DIAPH3: variants seen among roughly 807,000 people sequenced by gnomAD.
DIAPH3 encodes the protein protein diaphanous homolog 3.
Under a neutral mutation model 144.3 loss-of-function variants are expected in DIAPH3, and 117 were observed. That is an observed-to-expected ratio of 0.81 (90% CI 0.70 to 0.95). DIAPH3 has a LOEUF of 0.95. DIAPH3 is among the 40% of genes least tolerant of loss of function. The pLI is 0.00. For synonymous variants in DIAPH3, 519 were observed against 488.9 expected (o/e 1.06, Z -0.81); for missense variants, 1,421 against 1,412.7 (o/e 1.01, Z -0.09).
intron 25 of DIAPH3, among the ~76,000 whole-genome samples, chr13:59,786,975 G>A (rs1454191011): frequency 1.3e-5 from 2 of 152,082 alleles, no homozygotes; most frequent in Non-Finnish European, 2.9e-5. Flanking sequence ...GGTGGTGCAT[G>A]CCTGTAGTCC....
At chr13:59,730,982 A>G (rs149104223) in intron 27 of DIAPH3, among the ~76,000 whole-genome samples, 1 of 152,122 alleles carries the variant, frequency 6.6e-6, no homozygotes, top group Middle Eastern at 3.4e-3. Context: ...GCCATTCCCC[A>G]TTATTCCCTT....
chr13:59,666,453 T>C lies in DIAPH3; in HGVS notation c.*131A>G. On this transcript the variant is annotated 3_prime_UTR_variant, in exon 28 of 28. Coordinates refer to ENST00000400324, the MANE Select transcript of DIAPH3 (RefSeq NM_001042517.2). ...AGCATTGCAATCATATATTTAGCTTTATTTTTCTAATATATATCATAATTT... is the reference window on the plus strand; with the variant it reads ...AGCATTGCAATCATATATTTAGCTTCATTTTTCTAATATATATCATAATTT... 4 of 1,108,626 alleles carry C rather than the reference T, an allele frequency of 3.6e-6. No homozygotes were observed. Among genetic ancestry groups the C allele is most frequent in the Non-Finnish European group, 5.0e-6 (4 of 793,200 alleles). 68.7% of individuals were successfully genotyped at this position (1,108,626 alleles called of 1,614,324 possible). A position where few individuals can be genotyped will look rare whatever the true frequency, so the allele number is the denominator to read the frequency against.
chr13:59,871,627 AT>A (rs949229618), intron 21 of DIAPH3, among the ~76,000 whole-genome samples: 1 of 152,242 alleles, frequency 6.6e-6, no homozygotes, highest in Admixed American at 6.5e-5. Context: ...GATGCATAGA[AT>A]TAAAAATTAT....
intron 27 of DIAPH3, among the ~76,000 whole-genome samples, chr13:59,751,026 G>A (rs934702986): frequency 1.4e-4 from 21 of 152,260 alleles, no homozygotes; most frequent in African/African-American, 5.1e-4. Context: ...AGAGCAGCCG[G>A]TTGCCTTCAG....
intron 27 of DIAPH3, among the ~76,000 whole-genome samples, chr13:59,697,682 T>A (rs1199556136): frequency 3.3e-5 from 5 of 152,222 alleles, no homozygotes. Context: ...GAATCATTCT[T>A]CCCTGTGAGG....
At position 60,135,350 on chromosome 13, in the gene DIAPH3, T is replaced by C. The variant is rs185980101; in HGVS notation, c.181-2361A>G. On this transcript the variant is annotated intron_variant, in intron 1 of 27. Transcript: ENST00000400324. Reference sequence around the variant, plus strand: ...CTAAAGGCTTGATCTGTTTTCAAACTATATAGGTATGTACATAAGCCCAGT... The same window carrying C: ...CTAAAGGCTTGATCTGTTTTCAAACCATATAGGTATGTACATAAGCCCAGT... 2.2e-3 allele frequency among the ~76,000 whole-genome samples: 340 copies of C among 152,170 alleles called. 3 individuals carry two copies. The highest frequency in any genetic ancestry group is 7.9e-3 in the African/African-American group (327 of 41,534).
chr13:60,160,149 G>A lies in DIAPH3; in HGVS notation c.180+3438C>T, dbSNP rs1018272118. On this transcript the variant is annotated intron_variant, in intron 1 of 27. Coordinates refer to ENST00000400324, the MANE Select transcript of DIAPH3 (RefSeq NM_001042517.2). ...TGAGGCAGGAGAATGGCATGAACCCGAGAGGCGGAGCTTGCAGTGAGCCGA... is the reference window on the plus strand; with the variant it reads ...TGAGGCAGGAGAATGGCATGAACCCAAGAGGCGGAGCTTGCAGTGAGCCGA... Among the ~76,000 whole-genome samples, 13 of 152,142 alleles carry A rather than the reference G, an allele frequency of 8.5e-5. No individual in the cohort carries two copies. The East Asian group carries it at 9.7e-4, about 11-fold the overall frequency.
At chr13:59,786,467 T>A (rs1324815419) in intron 25 of DIAPH3, among the ~76,000 whole-genome samples, 2 of 152,176 alleles carry the variant, frequency 1.3e-5, no homozygotes, top group Non-Finnish European at 2.9e-5. Flanking sequence ...AATTCTTAAT[T>A]TTCACATTTC....
At chr13:59,799,171 T>C (rs1329834033) in intron 25 of DIAPH3, among the ~76,000 whole-genome samples, 2 of 151,970 alleles carry the variant, frequency 1.3e-5, no homozygotes, top group Admixed American at 6.5e-5. Flanking sequence ...TGATCACCTT[T>C]ACCACAAGCA....
intron 17 of DIAPH3, among the ~76,000 whole-genome samples, chr13:59,969,721 T>C (rs1009759949): frequency 6.6e-6 from 1 of 152,196 alleles, no homozygotes; most frequent in African/African-American, 2.4e-5. Context: ...TAATATCATA[T>C]AGAAAATTTA....
Position 59,774,785 on chromosome 13 carries a change from C to T in DIAPH3, c.3202G>A (p.Ala1068Thr). 1 of 1,614,172 alleles carries T rather than the reference C, an allele frequency of 6.2e-7. No individual in the cohort carries two copies. Among genetic ancestry groups the T allele is most frequent in the Non-Finnish European group, 8.5e-7 (1 of 1,180,034 alleles). ...ETGVMDNLLE[A>T]LQSGAAFRDR... ...CGGAAGGCAGCCCCGGACTGCAAGG[C>T]CTCCAGCAGATTATCCATCACTCCT... Residue 1068 changes from alanine (A) to threonine (T), a missense_variant, in exon 26 of 28, where the codon GCC (alanine) becomes ACC (threonine). Ala to Thr is a moderately conservative substitution (Grantham distance 58). Transcript: ENST00000400324.
At chr13:60,068,247 T>G (rs544946183) in intron 4 of DIAPH3, among the ~76,000 whole-genome samples, 1 of 152,300 alleles carries the variant, frequency 6.6e-6, no homozygotes, top group East Asian at 1.9e-4. Flanking sequence ...CTTGGGTCAA[T>G]GAGAATGCAT....
At chr13:60,131,625 G>A (rs1350097444) in intron 2 of DIAPH3, among the ~76,000 whole-genome samples, 1 of 152,012 alleles carries the variant, frequency 6.6e-6, no homozygotes, top group Non-Finnish European at 1.5e-5. Context: ...TGGTTGCCTA[G>A]AACTGAGGGA....
In DIAPH3 at chr13:59,924,842, C is replaced by T; in HGVS notation, c.2103G>A (p.Glu701=). ...KERREEEDIE[E]KKSIKKKIKE... ...TAATTTTTTTCTTAATCGATTTCTTCTCTTCAATATCTTCCTCTTCTCTTC... is the reference window on the plus strand; with the variant it reads ...TAATTTTTTTCTTAATCGATTTCTTTTCTTCAATATCTTCCTCTTCTCTTC... Residue 701 remains glutamate, a synonymous_variant, in exon 18 of 28, where the codon GAG becomes GAA. Coordinates refer to ENST00000400324, the MANE Select transcript of DIAPH3 (RefSeq NM_001042517.2). 1 of 1,601,074 alleles carries T rather than the reference C, an allele frequency of 6.2e-7. No individual in the cohort carries two copies.
intron 17 of DIAPH3, among the ~76,000 whole-genome samples, chr13:59,956,501 C>T (rs2049410994): frequency 6.6e-6 from 1 of 152,230 alleles, no homozygotes; most frequent in Non-Finnish European, 1.5e-5. Flanking sequence ...TGGGAACCTC[C>T]ACCTAGATTT....
Position 59,674,186 on chromosome 13 carries a change from A to C in DIAPH3, c.3320-7340T>G, listed in dbSNP as rs1371346301. Among the ~76,000 whole-genome samples, 5 of 152,212 alleles carry C rather than the reference A, an allele frequency of 3.3e-5. No homozygotes were observed. The South Asian group carries it at 1.0e-3, about 32-fold the overall frequency. On this transcript the variant is annotated intron_variant, in intron 27 of 27. Coordinates refer to ENST00000400324, the MANE Select transcript of DIAPH3 (RefSeq NM_001042517.2). ...TTGTGACTTTGAACATTATTATGGC[A>C]TAATATCGATATGATCATATTACCT...
chr13:60,058,775 C>T (rs1433387434), intron 4 of DIAPH3, among the ~76,000 whole-genome samples: 1 of 151,918 alleles, frequency 6.6e-6, no homozygotes, highest in African/African-American at 2.4e-5. Flanking sequence ...ATCTGGAGGC[C>T]ATGATTCTAT....
chr13:60,135,315 A>C (rs1324595076), intron 1 of DIAPH3, among the ~76,000 whole-genome samples: 1 of 150,978 alleles, frequency 6.6e-6, no homozygotes, highest in Non-Finnish European at 1.5e-5. Context: ...TTTTTAAAAG[A>C]TTTAATTTCC....
intron 27 of DIAPH3, among the ~76,000 whole-genome samples, chr13:59,690,037 CAT>C (rs2033421732): frequency 6.6e-6 from 1 of 152,008 alleles, no homozygotes; most frequent in African/African-American, 2.4e-5. Context: ...GATATTAACT[CAT>C]GTGTTTTCGA....
Sources: gnomAD v4.1 joint callset for allele counts (sites outside exome capture counted in the v4.1 genomes callset) on GRCh38, gnomAD v4.1.1 for gene constraint, MANE v1.5 for transcripts, NCBI Gene and HGNC (gene_info 2026-07-23, HGNC 2026-07-21) for gene names.